Variants in CNTN5 observed in about 807,000 individuals in gnomAD.
The protein encoded by CNTN5 is contactin-5.
Under a neutral mutation model 129.1 loss-of-function variants are expected in CNTN5, and 77 were observed. The observed-to-expected ratio is 0.60, with a 90% CI of 0.50 to 0.72. CNTN5 has a LOEUF of 0.72. Ranked by LOEUF, CNTN5 falls within the 30% of genes least tolerant of loss-of-function variation. The pLI is 0.00. For missense variants in CNTN5, 1,478 were observed against 1,328.8 expected (o/e 1.11, Z -1.75); for synonymous variants, 509 against 465.6 (o/e 1.09, Z -1.20).
intron 7 of CNTN5, among the ~76,000 whole-genome samples, chr11:99,929,587 A>G (rs1029112697): frequency 2.0e-5 from 3 of 152,198 alleles, no homozygotes; most frequent in African/African-American, 7.2e-5. Flanking sequence ...CCTTCTTCAC[A>G]TTACAGCAGC....
chr11:99,962,757 A>G (rs1950984578), intron 8 of CNTN5, among the ~76,000 whole-genome samples: 1 of 151,708 alleles, frequency 6.6e-6, no homozygotes. Context: ...TGGTTGAAGT[A>G]GTTTACATTC....
intron 2 of CNTN5, among the ~76,000 whole-genome samples, chr11:99,516,093 T>C (rs1043786133): frequency 2.6e-5 from 4 of 151,656 alleles, no homozygotes; most frequent in African/African-American, 7.3e-5. Flanking sequence ...CTCGGCTATA[T>C]GCAATACCAT....
At chr11:99,347,794 A>G (rs1231317467) in intron 2 of CNTN5, among the ~76,000 whole-genome samples, 1 of 152,182 alleles carries the variant, frequency 6.6e-6, no homozygotes, top group Non-Finnish European at 1.5e-5. Flanking sequence ...ACTCCTGCTA[A>G]ATGATTCACT....
intron 3 of CNTN5, among the ~76,000 whole-genome samples, chr11:99,696,637 T>G (rs184521149): frequency 6.6e-6 from 1 of 152,010 alleles, no homozygotes; most frequent in East Asian, 1.9e-4. Flanking sequence ...TTTTTTTTTT[T>G]AACTTTTTAC....
Position 99,556,253 on chromosome 11 carries a change from C to A in CNTN5, c.39C>A (p.Val13=). ...SSWKLMLFLS[V]TMCLSEYSKS... ...GGAAACTAATGCTGTTTCTGTCAGT[C>A]ACCATGTGTCTTTCAGGTAAAAGTC... The change falls in exon 3 of 25, where the codon GTC becomes GTA. Residue 13 remains valine (V), a synonymous_variant. Coordinates refer to ENST00000524871, the MANE Select transcript of CNTN5 (RefSeq NM_014361.4). 1 of 1,527,732 alleles carries A rather than the reference C, an allele frequency of 6.5e-7. No individual in the cohort carries two copies. 94.6% of individuals were successfully genotyped at this position (1,527,732 alleles called of 1,614,324 possible). A position where few individuals can be genotyped will look rare whatever the true frequency, so the allele number is the denominator to read the frequency against.
intron 2 of CNTN5, among the ~76,000 whole-genome samples, chr11:99,429,952 A>G (rs1943295534): frequency 6.6e-6 from 1 of 152,084 alleles, no homozygotes; most frequent in South Asian, 2.1e-4. Context: ...AGTTATCATC[A>G]TGCAAAATAA....
At chr11:100,333,879 T>C (rs1565435007) in intron 21 of CNTN5, among the ~76,000 whole-genome samples, 1 of 152,010 alleles carries the variant, frequency 6.6e-6, no homozygotes, top group Non-Finnish European at 1.5e-5. Flanking sequence ...CTTAGGCAAA[T>C]ACTTCATGAC....
At chr11:100,290,927 C>G (rs1386840607) in intron 18 of CNTN5, among the ~76,000 whole-genome samples, 1 of 151,738 alleles carries the variant, frequency 6.6e-6, no homozygotes, top group East Asian at 1.9e-4. Context: ...AACAAACAAC[C>G]CCATCAAACA....
At chr11:99,759,297 G>T (rs995959081) in intron 3 of CNTN5, among the ~76,000 whole-genome samples, 8 of 151,980 alleles carry the variant, frequency 5.3e-5, no homozygotes, top group Non-Finnish European at 1.0e-4. Context: ...ATGAAATTCA[G>T]GTGATAGATT....
chr11:99,230,364 T>C (rs1438196961), intron 1 of CNTN5, among the ~76,000 whole-genome samples: 1 of 152,104 alleles, frequency 6.6e-6, no homozygotes, highest in African/African-American at 2.4e-5. Flanking sequence ...CTTTTGATTT[T>C]TGAGGGGAAT....
rs190745221 is a variant in CNTN5 at position 100,234,611 on chromosome 11, G to A, written c.2005+9799G>A. Among the ~76,000 whole-genome samples the A allele has an allele frequency of 5.9e-5, 9 of 151,834 alleles. No individual in the cohort carries two copies. In the East Asian group the frequency reaches 1.4e-3, roughly 23 times the overall value. Reference sequence around the variant, plus strand: ...GAACAATGAGAACACATGGACACAGGGAGGGGAACATTCACACATCAGGGC... The same window carrying A: ...GAACAATGAGAACACATGGACACAGAGAGGGGAACATTCACACATCAGGGC... On this transcript the variant is annotated intron_variant, in intron 16 of 24. Coordinates refer to ENST00000524871, the MANE Select transcript of CNTN5 (RefSeq NM_014361.4).
At chr11:99,063,246 C>T (rs1409381504) in intron 1 of CNTN5, among the ~76,000 whole-genome samples, 1 of 152,004 alleles carries the variant, frequency 6.6e-6, no homozygotes, top group African/African-American at 2.4e-5. Context: ...AAATACATGG[C>T]ATCATTAGTT....
chr11:99,299,729 A>G (rs1159852484), intron 1 of CNTN5, among the ~76,000 whole-genome samples: 1 of 152,154 alleles, frequency 6.6e-6, no homozygotes, highest in Admixed American at 6.6e-5. Flanking sequence ...ACATGATTTC[A>G]TACTTTTTAT....
At chr11:99,404,928 C>A (rs1942005711) in intron 2 of CNTN5, among the ~76,000 whole-genome samples, 1 of 152,078 alleles carries the variant, frequency 6.6e-6, no homozygotes, top group Non-Finnish European at 1.5e-5. Context: ...TCCTTCAGCT[C>A]TTGTTTGTCT....
At chr11:99,930,762 A>G (rs1238703328) in intron 7 of CNTN5, among the ~76,000 whole-genome samples, 1 of 149,418 alleles carries the variant, frequency 6.7e-6, no homozygotes, top group Non-Finnish European at 1.5e-5. Context: ...AATCAAGGAT[A>G]TAAACAGTAG....
chr11:100,045,204 T>C (rs542381737), intron 9 of CNTN5, among the ~76,000 whole-genome samples: 1 of 152,068 alleles, frequency 6.6e-6, no homozygotes, highest in African/African-American at 2.4e-5. Flanking sequence ...TCCAGCCAAG[T>C]AAATAAAGTA....
chr11:99,978,574 A>C (rs1938142647), intron 8 of CNTN5, among the ~76,000 whole-genome samples: 1 of 152,140 alleles, frequency 6.6e-6, no homozygotes, highest in Non-Finnish European at 1.5e-5. Flanking sequence ...AATACTTACC[A>C]TTGTATTACA....
At chr11:99,977,617 G>T (rs1200846510) in intron 8 of CNTN5, among the ~76,000 whole-genome samples, 1 of 152,118 alleles carries the variant, frequency 6.6e-6, no homozygotes, top group African/African-American at 2.4e-5. Flanking sequence ...GAGTGAAGGT[G>T]GAAATGCCAC....
At chr11:100,131,251 C>T (rs943707285) in intron 13 of CNTN5, among the ~76,000 whole-genome samples, 2 of 151,874 alleles carry the variant, frequency 1.3e-5, no homozygotes, top group Non-Finnish European at 1.5e-5. Context: ...AGGATAGTGG[C>T]ATGGACTAGT....
Sources: gnomAD v4.1 joint callset for allele counts (sites outside exome capture counted in the v4.1 genomes callset) on GRCh38, gnomAD v4.1.1 for gene constraint, MANE v1.5 for transcripts, NCBI Gene and HGNC (gene_info 2026-07-23, HGNC 2026-07-21) for gene names.